GPC6: variants seen among roughly 807,000 people sequenced by gnomAD.
The protein encoded by GPC6 is glypican 6, also known as glypican-6.
A neutral mutation model predicts 55.2 loss-of-function variants in GPC6; 14 were observed. The ratio of observed to expected loss-of-function variants is 0.25; its 90% confidence interval spans 0.17 to 0.40. The LOEUF (loss-of-function observed/expected upper bound fraction) is 0.40. Ranked by LOEUF, GPC6 falls within the 10% of genes least tolerant of loss-of-function variation. The pLI, the probability that GPC6 is intolerant of heterozygous loss-of-function variation, is 1.00. For synonymous variants in GPC6, 278 were observed against 259.6 expected, an observed-to-expected ratio of 1.07 and a Z score of -0.68; for missense variants, 641 against 708.5, an observed-to-expected ratio of 0.90 and a Z score of 1.08.
intron 4 of GPC6, among the ~76,000 whole-genome samples, chr13:94,246,416 T>A (rs1265585724): frequency 6.6e-6 from 1 of 152,114 alleles, no homozygotes; most frequent in African/African-American, 2.4e-5. Flanking sequence ...TGGTGTGACA[T>A]TCAAGACATC....
chr13:93,945,373 A>G (rs1380069106), intron 3 of GPC6, among the ~76,000 whole-genome samples: 3 of 152,230 alleles, frequency 2.0e-5, no homozygotes, highest in African/African-American at 4.8e-5. Flanking sequence ...GGAGTCAGCC[A>G]TCATCACTTG....
chr13:93,420,907 T>C (rs1876898337), intron 1 of GPC6, among the ~76,000 whole-genome samples: 1 of 152,042 alleles, frequency 6.6e-6, no homozygotes, highest in Non-Finnish European at 1.5e-5. Context: ...TTCAATGGAA[T>C]GGGAGTATCT....
At chr13:93,441,735 T>C (rs1300009684) in intron 1 of GPC6, among the ~76,000 whole-genome samples, 3 of 152,238 alleles carry the variant, frequency 2.0e-5, no homozygotes, top group Non-Finnish European at 4.4e-5. Flanking sequence ...TTGTTGCCAT[T>C]ACTTTTGGTG....
At chr13:93,777,870 C>A (rs1421915535) in intron 2 of GPC6, among the ~76,000 whole-genome samples, 2 of 152,108 alleles carry the variant, frequency 1.3e-5, no homozygotes, top group Non-Finnish European at 2.9e-5. Flanking sequence ...CATTAAATTT[C>A]TGTTGCCATA....
At chr13:94,061,032 G>A (rs1424927424) in intron 4 of GPC6, among the ~76,000 whole-genome samples, 3 of 152,108 alleles carry the variant, frequency 2.0e-5, no homozygotes, top group East Asian at 3.9e-4. Context: ...ATCAAATTCA[G>A]CATTATTATC....
chr13:93,659,777 A>C (rs1880844544), intron 2 of GPC6, among the ~76,000 whole-genome samples: 1 of 152,048 alleles, frequency 6.6e-6, no homozygotes, highest in South Asian at 2.1e-4. Context: ...CAAAGTGATA[A>C]TTTTATTTAG....
intron 1 of GPC6, among the ~76,000 whole-genome samples, chr13:93,496,209 T>C (rs1880269627): frequency 1.3e-5 from 2 of 152,122 alleles, no homozygotes; most frequent in South Asian, 2.1e-4. Context: ...GAGCCAGGTG[T>C]GGGATATAGT....
rs140375074 is a variant in GPC6 at position 94,121,023 on chromosome 13, A to G, written c.877+93129A>G. ...AAGGCACATTCACAGAGGGACCATTAAAAAGATTAATGGGAGGGAAACACC... is the reference window on the plus strand; with the variant it reads ...AAGGCACATTCACAGAGGGACCATTGAAAAGATTAATGGGAGGGAAACACC... On this transcript the variant is annotated intron_variant, in intron 4 of 8. Transcript: ENST00000377047. Among the ~76,000 whole-genome samples the G allele has an allele frequency of 1.6e-4, 24 of 152,214 alleles. 1 individual carries two copies. In the East Asian group the frequency reaches 4.6e-3, roughly 29 times the overall value.
At chr13:94,130,467 TTA>T (rs1312579988) in intron 4 of GPC6, among the ~76,000 whole-genome samples, 1 of 152,160 alleles carries the variant, frequency 6.6e-6, no homozygotes, top group Non-Finnish European at 1.5e-5. Flanking sequence ...AAAAATGTAT[TTA>T]GTTTGCTTAG....
At chr13:93,738,708 T>C (rs1884087207) in intron 2 of GPC6, among the ~76,000 whole-genome samples, 1 of 152,048 alleles carries the variant, frequency 6.6e-6, no homozygotes, top group African/African-American at 2.4e-5. Flanking sequence ...TAGGAAGCCA[T>C]ATTAGAATTT....
chr13:93,301,833 C>T (rs1269457577), intron 1 of GPC6, among the ~76,000 whole-genome samples: 1 of 152,064 alleles, frequency 6.6e-6, no homozygotes, highest in Non-Finnish European at 1.5e-5. Flanking sequence ...GATCCAACAC[C>T]AACTGGGTTC....
chr13:93,957,859 T>C (rs997381254), intron 3 of GPC6, among the ~76,000 whole-genome samples: 2 of 152,118 alleles, frequency 1.3e-5, no homozygotes, highest in African/African-American at 4.8e-5. Flanking sequence ...AAGCATTCCC[T>C]TATCTGTGCA....
chr13:94,172,743 C>A (rs2138932176), intron 4 of GPC6, among the ~76,000 whole-genome samples: 1 of 152,302 alleles, frequency 6.6e-6, no homozygotes, highest in East Asian at 1.9e-4. Flanking sequence ...CTTATGTACA[C>A]TCTTACATAA....
chr13:94,135,187 G>A (rs1887139834), intron 4 of GPC6, among the ~76,000 whole-genome samples: 1 of 150,056 alleles, frequency 6.7e-6, no homozygotes, highest in African/African-American at 2.5e-5. Context: ...TTTCTTTTTA[G>A]CATTTACAGA....
chr13:94,159,162 C>A (rs948248881), intron 4 of GPC6, among the ~76,000 whole-genome samples: 2 of 152,124 alleles, frequency 1.3e-5, no homozygotes, highest in African/African-American at 4.8e-5. Flanking sequence ...GATTCCACAT[C>A]AACTACTTAC....
At chr13:94,348,777 C>G (rs1401288718) in intron 6 of GPC6, among the ~76,000 whole-genome samples, 1 of 152,096 alleles carries the variant, frequency 6.6e-6, no homozygotes, top group East Asian at 1.9e-4. Context: ...ATCTTGAATC[C>G]CTGATTAAAT....
At chr13:93,916,640 G>T (rs1317634523) in intron 3 of GPC6, among the ~76,000 whole-genome samples, 1 of 151,912 alleles carries the variant, frequency 6.6e-6, no homozygotes, top group East Asian at 1.9e-4. Flanking sequence ...TTTTTTTTCT[G>T]CTGGCAAAAA....
At chr13:93,252,752 G>A (rs1367341455) in intron 1 of GPC6, among the ~76,000 whole-genome samples, 1 of 152,090 alleles carries the variant, frequency 6.6e-6, no homozygotes, top group Non-Finnish European at 1.5e-5. Context: ...GAACACAGTA[G>A]GTACTCAATA....
chr13:93,734,651 A>T (rs1883935983), intron 2 of GPC6, among the ~76,000 whole-genome samples: 1 of 152,212 alleles, frequency 6.6e-6, no homozygotes, highest in Non-Finnish European at 1.5e-5. Context: ...CCAAATTGTG[A>T]TGGAGATATT....
Sources: allele counts gnomAD v4.1 joint callset (sites outside exome capture counted in the v4.1 genomes callset), GRCh38; gene constraint gnomAD v4.1.1; transcripts MANE v1.5; gene names NCBI Gene and HGNC (gene_info 2026-07-23, HGNC 2026-07-21).